Variants in SLC1A3 observed in about 807,000 individuals in gnomAD.
SLC1A3 encodes solute carrier family 1 member 3.
Under a neutral mutation model 48.1 loss-of-function variants are expected in SLC1A3, and 21 were observed. The observed-to-expected ratio is 0.44, with a 90% confidence interval of 0.31 to 0.63. The LOEUF (loss-of-function observed/expected upper bound fraction) is 0.63. Ranked by LOEUF, SLC1A3 falls within the 20% of genes least tolerant of loss-of-function variation. SLC1A3 has a pLI of 0.08. For synonymous variants in SLC1A3, 239 were observed against 251.4 expected (o/e 0.95, Z 0.47); for missense variants, 546 against 689.0 (o/e 0.79, Z 2.32).
At chr5:36,670,512 A>T (rs1429474365) in intron 3 of SLC1A3, among the ~76,000 whole-genome samples, 3 of 152,252 alleles carry the variant, frequency 2.0e-5, no homozygotes, top group Non-Finnish European at 4.4e-5. Context: ...ACATCAAAAA[A>T]GAATCCCAAA....
At position 36,671,181 on chromosome 5, in the gene SLC1A3, G is replaced by A. The variant is rs201358917; in HGVS notation, c.472G>A (p.Glu158Lys). ...GGGCACAAAGGAAAACATGCACAGA[G>A]AAGGCAAAATTGTACGAGTGACAGC... ...GKGTKENMHR[E>K]GKIVRVTAAD... is the part of the protein sequence containing the mutation. The change falls in exon 4 of 10, where the codon GAA becomes AAA. Residue 158 changes from glutamate (E) to lysine (K), a missense_variant. Glu to Lys is a moderately conservative substitution (Grantham distance 56). Transcript: ENST00000265113. 6.2e-7 allele frequency: 1 copy of A among 1,613,834 alleles called. No homozygotes were observed. The highest frequency in any genetic ancestry group is 1.3e-5 in the African/African-American group (1 of 74,904).
chr5:36,651,330 A>T lies in SLC1A3; in HGVS notation c.320-19699A>T, dbSNP rs112212229. On this transcript the variant is annotated intron_variant, in intron 3 of 9. Transcript: ENST00000265113. ...ACCATATTGATCCTAATCTACACTA[A>T]CTTCCTTTCTAGTCTCCCTGCCATC... 3.9e-3 allele frequency among the ~76,000 whole-genome samples: 597 copies of T among 151,762 alleles called. 4 individuals carry two copies. The highest frequency in any genetic ancestry group is 0.014 in the African/African-American group (571 of 41,368).
chr5:36,602,495 T>G (rs1175299429), upstream of SLC1A3, among the ~76,000 whole-genome samples: 2 of 152,230 alleles, frequency 1.3e-5, no homozygotes, highest in Non-Finnish European at 2.9e-5. Flanking sequence ...TATTCTTGGT[T>G]CTACAAAGTC....
intron 8 of SLC1A3, among the ~76,000 whole-genome samples, chr5:36,681,406 C>T (rs1742436755): frequency 6.6e-6 from 1 of 152,114 alleles, no homozygotes; most frequent in South Asian, 2.1e-4. Context: ...AATATGTTAG[C>T]TTGTATAGAT....
intron 3 of SLC1A3, among the ~76,000 whole-genome samples, chr5:36,658,982 C>T (rs4869685): frequency 0.6 from 91,568 of 151,752 alleles, 30,112 homozygotes; most frequent in Non-Finnish European, 0.72. Flanking sequence ...ACTTTACAAC[C>T]TACCCATTTT....
In SLC1A3 at chr5:36,687,727, G is replaced by A. The variant is rs1462174419; in HGVS notation, c.*1458G>A. ...GTTTGTGTCCATAAGAGAAATGGTA[G>A]AAGATGAATCAGTATGAAGACACTG... On this transcript the variant is annotated 3_prime_UTR_variant, in exon 10 of 10. Transcript: ENST00000265113. The A allele has an allele frequency of 1.3e-5, 2 of 152,610 alleles. No homozygotes were observed. Among genetic ancestry groups the A allele is most frequent in the African/African-American group, 2.4e-5 (1 of 41,436 alleles). 9.5% of individuals were successfully genotyped at this position (152,610 alleles called of 1,614,324 possible). A position where few individuals can be genotyped will look rare whatever the true frequency, so the allele number is the denominator to read the frequency against.
chr5:36,604,938 C>T (rs1428848797), upstream of SLC1A3, among the ~76,000 whole-genome samples: 1 of 139,340 alleles, frequency 7.2e-6, no homozygotes, highest in African/African-American at 2.6e-5. Context: ...TAATCCTAAA[C>T]TCATGGCTCA....
intron 3 of SLC1A3, chr5:36,667,718 T>C (rs1741812966): frequency 6.6e-6 from 1 of 152,198 alleles, no homozygotes; most frequent in Admixed American, 6.5e-5. Context: ...ACTCAAAATG[T>C]ACAAAACACA....
At chr5:36,640,317 A>G (rs1370603233) in intron 3 of SLC1A3, among the ~76,000 whole-genome samples, 1 of 152,228 alleles carries the variant, frequency 6.6e-6, no homozygotes, top group African/African-American at 2.4e-5. Flanking sequence ...TTGCTTCTTC[A>G]TGGTGAAGAT....
intron 2 of SLC1A3, among the ~76,000 whole-genome samples, chr5:36,611,477 G>T (rs969380081): frequency 6.6e-6 from 1 of 151,780 alleles, no homozygotes; most frequent in East Asian, 1.9e-4. Flanking sequence ...TAAATATTTT[G>T]ATATAAATTC....
intron 2 of SLC1A3, among the ~76,000 whole-genome samples, chr5:36,616,462 G>T (rs765540793): frequency 6.6e-6 from 1 of 152,136 alleles, no homozygotes; most frequent in Non-Finnish European, 1.5e-5. Context: ...AAATTGAAAG[G>T]CACAACCAAG....
In SLC1A3 at chr5:36,671,128, T is replaced by C. The variant is rs1272447120; in HGVS notation, c.419T>C (p.Ile140Thr). 1.2e-6 allele frequency: 2 copies of C among 1,613,914 alleles called. No homozygotes were observed. The highest frequency in any genetic ancestry group is 1.1e-5 in the South Asian group (1 of 91,078). ...ATCATTGCTGTGGTGATTGGCATAA[T>C]CATTGTCATCATCATCCATCCTGGG... ...TTIIAVVIGI[I>T]IVIIIHPGKG... Residue 140 changes from isoleucine to threonine, a missense_variant, in exon 4 of 10, where the codon ATC (isoleucine) becomes ACC (threonine). Ile to Thr is a moderately conservative substitution (Grantham distance 89). This residue lies in a region of SLC1A3 where 348 missense variants were observed against 392.0 expected (regional missense o/e 0.89). Coordinates refer to ENST00000265113, the MANE Select transcript of SLC1A3 (RefSeq NM_004172.5).
At chr5:36,656,669 T>C (rs1580003835) in intron 3 of SLC1A3, among the ~76,000 whole-genome samples, 1 of 152,220 alleles carries the variant, frequency 6.6e-6, no homozygotes, top group Admixed American at 6.5e-5. Flanking sequence ...ACTCTTGCTA[T>C]AGTATGTTAC....
At chr5:36,676,242 C>T (rs1266855063) in intron 5 of SLC1A3, among the ~76,000 whole-genome samples, 1 of 152,218 alleles carries the variant, frequency 6.6e-6, no homozygotes, top group Non-Finnish European at 1.5e-5. Flanking sequence ...GTAATACCCA[C>T]TGAAATCTCT....
upstream of SLC1A3, among the ~76,000 whole-genome samples, chr5:36,602,635 T>C (rs1738821029): frequency 6.6e-6 from 1 of 152,208 alleles, no homozygotes; most frequent in Admixed American, 6.5e-5. Context: ...AAACATGTTG[T>C]TTTTTAAGGC....
Position 36,679,715 on chromosome 5 carries a change from T to C in SLC1A3, c.949T>C (p.Tyr317His). 6.2e-7 allele frequency: 1 copy of C among 1,614,162 alleles called. No homozygotes were observed. The highest frequency in any genetic ancestry group is 8.5e-7 in the Non-Finnish European group (1 of 1,180,002). The part of the protein sequence containing the change: ...MGVIGGQLAM[Y>H]TVTVIVGLLI... ...TGTGATTGGGGGGCAGCTTGCCATGTACACCGTGACTGTCATTGTTGGCTT... is the reference window on the plus strand; with the variant it reads ...TGTGATTGGGGGGCAGCTTGCCATGCACACCGTGACTGTCATTGTTGGCTT... The change falls in exon 7 of 10, where the codon TAC becomes CAC. Residue 317 changes from tyrosine (Y) to histidine (H), a missense_variant. This residue lies in a region of SLC1A3 where 142 missense variants were observed against 238.0 expected (regional missense o/e 0.60). Coordinates refer to ENST00000265113, the MANE Select transcript of SLC1A3 (RefSeq NM_004172.5).
chr5:36,661,226 A>G (rs1379881485), intron 3 of SLC1A3, among the ~76,000 whole-genome samples: 1 of 152,206 alleles, frequency 6.6e-6, no homozygotes, highest in East Asian at 1.9e-4. Context: ...AGACAGGCCA[A>G]CGTGGCGAAA....
chr5:36,638,619 T>C (rs1290777902), intron 3 of SLC1A3, among the ~76,000 whole-genome samples: 1 of 152,198 alleles, frequency 6.6e-6, no homozygotes, highest in East Asian at 1.9e-4. Flanking sequence ...TTTTGTGGCA[T>C]CTGGAGCAAA....
intron 3 of SLC1A3, among the ~76,000 whole-genome samples, chr5:36,648,675 A>G (rs1740932658): frequency 6.6e-6 from 1 of 152,242 alleles, no homozygotes; most frequent in Non-Finnish European, 1.5e-5. Flanking sequence ...CAAAAAGTGC[A>G]GCGTCATCAA....
Sources: allele counts gnomAD v4.1 joint callset (sites outside exome capture counted in the v4.1 genomes callset), GRCh38; gene constraint gnomAD v4.1.1; regional missense constraint gnomAD v4.1.1; transcripts MANE v1.5; gene names NCBI Gene and HGNC (gene_info 2026-07-23, HGNC 2026-07-21).